Variants in COPE observed in about 807,000 individuals in gnomAD.
COPE encodes the protein coat protein complex I subunit epsilon.
A neutral mutation model predicts 42.1 loss-of-function variants in COPE; 19 were observed. That is an observed-to-expected ratio of 0.45 (90% CI 0.31 to 0.66). The LOEUF (loss-of-function observed/expected upper bound fraction) is 0.66, where lower values mean the gene tolerates loss of function less well. COPE is among the 30% of genes least tolerant of loss of function. COPE has a pLI of 0.05. For synonymous variants in COPE, 195 were observed against 181.3 expected (o/e 1.08, Z -0.60); for missense variants, 402 against 416.1 (o/e 0.97, Z 0.30).
At chr19:18,903,116 T>C in intron 7 of COPE, 152 bp downstream of exon 7, 1 of 744,960 alleles carries the variant, frequency 1.3e-6, no homozygotes, top group Non-Finnish European at 2.0e-6. Context: ...CCCTGCTTTG[T>C]GGATCTCGCT....
intron 7 of COPE, among the ~76,000 whole-genome samples, chr19:18,902,797 G>GAAAGGAAGGA (rs1366501283): frequency 6.9e-5 from 2 of 29,106 alleles, no homozygotes; most frequent in Non-Finnish European, 1.3e-4. Context: ...AGGAAGGAAG[G>GAAAGGAAGGA]AAGGAAGGAA....
intron 1 of COPE, among the ~76,000 whole-genome samples, chr19:18,913,305 G>A (rs1433394093): frequency 1.3e-5 from 2 of 152,346 alleles, no homozygotes; most frequent in East Asian, 3.9e-4. Context: ...GTCTGCCCCA[G>A]TCACACTTAA....
intron 1 of COPE, among the ~76,000 whole-genome samples, chr19:18,914,808 T>A (rs896239649): frequency 7.0e-6 from 1 of 143,336 alleles, no homozygotes; most frequent in African/African-American, 2.6e-5. Flanking sequence ...CAGGTTGGAG[T>A]GCAGTGGCGT....
chr19:18,903,549 G>A, intron 6 of COPE, 126 bp from the exon 7 acceptor site: 8 of 1,123,014 alleles, frequency 7.1e-6, no homozygotes, highest in Non-Finnish European at 9.7e-6. Flanking sequence ...CCGGTTCAAG[G>A]CACAGCCACT....
intron 4 of COPE, 76 bp from the exon 5 acceptor site, chr19:18,905,705 CTG>C (rs779024397): frequency 2.2e-5 from 31 of 1,440,106 alleles, no homozygotes; most frequent in Middle Eastern, 1.7e-4. Context: ...CCAGGGCTCA[CTG>C]TGTGTGTCTG....
At position 18,904,039 on chromosome 19, in the gene COPE, C is replaced by T. The variant is rs943059438; in HGVS notation, c.580-616G>A. Among the ~76,000 whole-genome samples the T allele has an allele frequency of 5.3e-5, 8 of 152,340 alleles. No homozygotes were observed. The South Asian group carries it at 1.4e-3, about 28-fold the overall frequency. The stretch of plus-strand genomic sequence containing the variant: ...GGAGTGCACTGGCGCGATCTTGGCT[C>T]ACCGCAACCTCCACCTCCCGGGTTC... On this transcript the variant is annotated intron_variant, in intron 6 of 9. Transcript: ENST00000262812.
intron 1 of COPE, among the ~76,000 whole-genome samples, chr19:18,918,779 A>G (rs1568325453): frequency 6.6e-6 from 1 of 152,188 alleles, no homozygotes; most frequent in South Asian, 2.1e-4. Flanking sequence ...CCGTCCAAAA[A>G]AGTGCTCAAT....
intron 3 of COPE, among the ~76,000 whole-genome samples, chr19:18,908,412 G>A (rs547024920): frequency 6.6e-6 from 1 of 152,008 alleles, no homozygotes; most frequent in Admixed American, 6.6e-5. Flanking sequence ...GGGTGACAGA[G>A]GGAGACCATC....
intron 8 of COPE, 148 bp downstream of exon 8, chr19:18,900,233 G>A (rs1037706210): frequency 5.1e-5 from 35 of 685,538 alleles, no homozygotes; most frequent in Non-Finnish European, 8.4e-5. Flanking sequence ...ATGGGTTGGG[G>A]GGCACAGGGT....
intron 2 of COPE, among the ~76,000 whole-genome samples, chr19:18,912,304 G>A (rs1350747697): frequency 6.6e-6 from 1 of 152,050 alleles, no homozygotes; most frequent in East Asian, 1.9e-4. Context: ...ATGCCACCAT[G>A]ACTGTCTTAT....
chr19:18,907,164 C>T, intron 3 of COPE, 52 bp from the exon 4 acceptor site: 6 of 1,576,410 alleles, frequency 3.8e-6, no homozygotes, highest in Non-Finnish European at 5.2e-6. Flanking sequence ...TCTGTGGGAC[C>T]TCAGAGGGTC....
intron 1 of COPE, 114 bp downstream of exon 1, chr19:18,919,109 C>G (rs1238548428): frequency 8.4e-7 from 1 of 1,191,826 alleles, no homozygotes; most frequent in Non-Finnish European, 1.2e-6. Flanking sequence ...AGAGGTGGCC[C>G]AAAAAACGCG....
intron 2 of COPE, 86 bp from the exon 3 acceptor site, chr19:18,911,157 G>A (rs921158391): frequency 1.9e-4 from 241 of 1,249,646 alleles, no homozygotes; most frequent in Non-Finnish European, 2.6e-4. Context: ...CCCCAGACAG[G>A]AAGTCCCTGC....
At chr19:18,900,030 G>A in intron 8 of COPE, 83 bp from the exon 9 acceptor site, 1 of 1,257,280 alleles carries the variant, frequency 8.0e-7, no homozygotes, top group Non-Finnish European at 1.1e-6. Context: ...GTGGATTGGG[G>A]TGAGAGCCAC....
intron 3 of COPE, 37 bp from the exon 4 acceptor site, chr19:18,907,149 T>G (rs1416704129): frequency 1.3e-6 from 2 of 1,595,374 alleles, no homozygotes; most frequent in Non-Finnish European, 1.7e-6. Context: ...ACAGCTGGGG[T>G]GGCCTCTGTG....
At chr19:18,900,034 G>T in intron 8 of COPE, 87 bp from the exon 9 acceptor site, 1 of 1,174,664 alleles carries the variant, frequency 8.5e-7, no homozygotes, top group Non-Finnish European at 1.2e-6. Context: ...ATTGGGGTGA[G>T]AGCCACAGTA....
intron 2 of COPE, chr19:18,911,515 C>T (rs1333381871): frequency 1.1e-5 from 2 of 184,818 alleles, no homozygotes; most frequent in Admixed American, 1.1e-4. Flanking sequence ...AGCTGGGGGC[C>T]CGTCCCTCAT....
intron 2 of COPE, 108 bp from the exon 3 acceptor site, chr19:18,911,179 C>A (rs1250374625): frequency 5.2e-6 from 5 of 958,098 alleles, no homozygotes; most frequent in Non-Finnish European, 8.4e-6. Context: ...CCACCAGGGA[C>A]CCCTCAGCCC....
chr19:18,903,987 CAG>C (rs2056734124), intron 6 of COPE, among the ~76,000 whole-genome samples: 1 of 152,114 alleles, frequency 6.6e-6, no homozygotes, highest in African/African-American at 2.4e-5. Context: ...TTTTCTTTCT[CAG>C]AGTTTCACTC....
Sources: gnomAD v4.1 joint callset for allele counts (sites outside exome capture counted in the v4.1 genomes callset) on GRCh38, gnomAD v4.1.1 for gene constraint, MANE v1.5 for transcripts, NCBI Gene and HGNC (gene_info 2026-07-23, HGNC 2026-07-21) for gene names.